Variants in POU6F2 observed in about 807,000 individuals in gnomAD.
POU6F2 encodes POU domain, class 6, transcription factor 2.
Under a neutral mutation model 71.3 loss-of-function variants are expected in POU6F2, and 31 were observed. That is an observed-to-expected ratio of 0.43 (90% CI 0.33 to 0.59). The LOEUF (loss-of-function observed/expected upper bound fraction) is 0.59, where lower values mean the gene tolerates loss of function less well. Ranked by LOEUF, POU6F2 falls within the 20% of genes least tolerant of loss-of-function variation. The pLI is 0.04. For synonymous variants in POU6F2, 347 were observed against 355.7 expected (o/e 0.98, Z 0.27); for missense variants, 783 against 856.8 (o/e 0.91, Z 1.07).
At chr7:39,151,244 T>A (rs1330320313) in intron 2 of POU6F2, among the ~76,000 whole-genome samples, 6 of 150,044 alleles carry the variant, frequency 4.0e-5, no homozygotes, top group Non-Finnish European at 7.5e-5. Flanking sequence ...TTGATCCCAG[T>A]CCCATACAGC....
rs149840185 is a variant in POU6F2 at position 39,057,810 on chromosome 7, A to T, written c.106-28050A>T. Among the ~76,000 whole-genome samples, 979 of 152,302 alleles carry T rather than the reference A, an allele frequency of 6.4e-3. 6 individuals carry two copies. The highest frequency in any genetic ancestry group is 0.024 in the Middle Eastern group (7 of 294). On this transcript the variant is annotated intron_variant, in intron 1 of 9. Coordinates refer to ENST00000518318, the MANE Select transcript of POU6F2 (RefSeq NM_001370959.1). ...GTAATCATTTTCTCCTAACATCATTAATTGGAAAATCTCTGCTGTTTCCAG... is the reference window on the plus strand; with the variant it reads ...GTAATCATTTTCTCCTAACATCATTTATTGGAAAATCTCTGCTGTTTCCAG...
chr7:39,184,911 G>T (rs1335134356), intron 2 of POU6F2, among the ~76,000 whole-genome samples: 1 of 152,102 alleles, frequency 6.6e-6, no homozygotes, highest in South Asian at 2.1e-4. Context: ...CATAGGAAAG[G>T]TGGAAAAAAG....
At chr7:39,041,258 G>A (rs537610215) in intron 1 of POU6F2, among the ~76,000 whole-genome samples, 2 of 152,014 alleles carry the variant, frequency 1.3e-5, no homozygotes, top group Admixed American at 1.3e-4. Context: ...ATAAACTTTT[G>A]TGCATTTTCC....
chr7:39,409,968 C>T (rs966699844), intron 6 of POU6F2, among the ~76,000 whole-genome samples: 10 of 152,200 alleles, frequency 6.6e-5, no homozygotes, highest in Admixed American at 2.0e-4. Context: ...AACTTTCTAA[C>T]CCCACCCATT....
intron 1 of POU6F2, among the ~76,000 whole-genome samples, chr7:39,052,950 G>A (rs980132429): frequency 6.6e-6 from 1 of 152,040 alleles, no homozygotes; most frequent in African/African-American, 2.4e-5. Context: ...TTTCCTGAAG[G>A]TCAGGATCCC....
At chr7:39,002,934 A>C (rs1019155783) in intron 1 of POU6F2, among the ~76,000 whole-genome samples, 30 of 152,358 alleles carry the variant, frequency 2.0e-4, no homozygotes, top group African/African-American at 7.2e-4. Flanking sequence ...AGAGCGTTTT[A>C]AAATTTGCTG....
At chr7:39,415,017 AT>A (rs5883689) in intron 6 of POU6F2, among the ~76,000 whole-genome samples, 42,588 of 151,682 alleles carry the variant, frequency 0.28, 6,307 homozygotes, top group East Asian at 0.54. Context: ...ATCTTTTTAA[AT>A]TTTTTGTTTG....
At chr7:39,155,219 C>T (rs866290072) in intron 2 of POU6F2, among the ~76,000 whole-genome samples, 29 of 139,262 alleles carry the variant, frequency 2.1e-4, no homozygotes, top group Middle Eastern at 3.9e-3. Context: ...TAATTCCAAA[C>T]AAATATTTCT....
At chr7:39,441,820 G>C (rs1249972265) in intron 7 of POU6F2, among the ~76,000 whole-genome samples, 1 of 152,176 alleles carries the variant, frequency 6.6e-6, no homozygotes, top group Non-Finnish European at 1.5e-5. Context: ...TAAAGCTGGA[G>C]TGTACACTAA....
rs76172821 is a variant in POU6F2, at chr7:39,048,170, C to T, written c.106-37690C>T. Among the ~76,000 whole-genome samples, 225 of 151,786 alleles carry T rather than the reference C, an allele frequency of 1.5e-3. 1 individual carries two copies. The highest frequency in any genetic ancestry group is 5.3e-3 in the African/African-American group (219 of 41,454). On this transcript the variant is annotated intron_variant, in intron 1 of 9. Coordinates refer to ENST00000518318, the MANE Select transcript of POU6F2 (RefSeq NM_001370959.1). ...GAGTTTTAAATTACGAATTCCATTG[C>T]TTTATTGGTTGTAGGTCTATACAAA...
intron 4 of POU6F2, among the ~76,000 whole-genome samples, chr7:39,209,134 A>G (rs1414922488): frequency 1.3e-5 from 2 of 152,182 alleles, no homozygotes; most frequent in East Asian, 3.8e-4. Flanking sequence ...TAAGGGTTCA[A>G]AATTAATGAT....
intron 1 of POU6F2, 60 bp from the exon 2 acceptor site, chr7:39,085,800 C>CA: frequency 6.5e-7 from 1 of 1,529,692 alleles, no homozygotes; most frequent in South Asian, 1.2e-5. Context: ...AGAGAGAGGA[C>CA]ACGCACTCTA....
intron 5 of POU6F2, among the ~76,000 whole-genome samples, chr7:39,371,284 A>G (rs1326737903): frequency 2.0e-5 from 3 of 151,292 alleles, no homozygotes; most frequent in African/African-American, 4.9e-5. Context: ...GGTTCAAGCG[A>G]TTCTCCTGCC....
intron 2 of POU6F2, among the ~76,000 whole-genome samples, chr7:39,097,851 T>A (rs944982430): frequency 6.6e-6 from 1 of 152,204 alleles, no homozygotes; most frequent in African/African-American, 2.4e-5. Context: ...GACATTCTAT[T>A]TTACTTGATC....
chr7:39,364,606 T>C (rs1426866391), intron 5 of POU6F2, among the ~76,000 whole-genome samples: 3 of 152,254 alleles, frequency 2.0e-5, no homozygotes, highest in African/African-American at 7.2e-5. Flanking sequence ...TCTTTCCTTT[T>C]TATGGCTGAG....
intron 1 of POU6F2, among the ~76,000 whole-genome samples, chr7:39,051,615 G>A (rs1405670679): frequency 6.6e-6 from 1 of 152,100 alleles, no homozygotes. Context: ...AAGGCATTTA[G>A]TAATATTCTT....
At chr7:39,140,425 TCA>T (rs1792472340) in intron 2 of POU6F2, among the ~76,000 whole-genome samples, 4 of 152,246 alleles carry the variant, frequency 2.6e-5, no homozygotes, top group Non-Finnish European at 4.4e-5. Context: ...ATTTATTCTT[TCA>T]CAGTTTAGAG....
At chr7:39,457,639 C>A (rs1788834607) in intron 8 of POU6F2, among the ~76,000 whole-genome samples, 1 of 152,214 alleles carries the variant, frequency 6.6e-6, no homozygotes, top group East Asian at 1.9e-4. Flanking sequence ...AGATTTCTTT[C>A]TGTAGTTGTC....
intron 5 of POU6F2, among the ~76,000 whole-genome samples, chr7:39,383,415 C>T (rs893238115): frequency 6.6e-6 from 1 of 152,084 alleles, no homozygotes. Context: ...CAGAAACTTT[C>T]TATGTTCCTA....
Sources: gnomAD v4.1 joint callset for allele counts (sites outside exome capture counted in the v4.1 genomes callset) on GRCh38, gnomAD v4.1.1 for gene constraint, MANE v1.5 for transcripts, NCBI Gene and HGNC (gene_info 2026-07-23, HGNC 2026-07-21) for gene names.